GALNTL6: variants seen among roughly 807,000 people sequenced by gnomAD.
GALNTL6 encodes the protein polypeptide N-acetylgalactosaminyltransferase-like 6.
Under a neutral mutation model 73.7 loss-of-function variants are expected in GALNTL6, and 46 were observed. That is an observed-to-expected ratio of 0.62 (90% CI 0.49 to 0.80). The LOEUF is 0.80. Among genes scored for constraint, GALNTL6 ranks in the 30% least tolerant of loss-of-function variants. The pLI, the probability that GALNTL6 is intolerant of heterozygous loss-of-function variation, is 0.00. For synonymous variants in GALNTL6, 259 were observed against 263.7 expected (o/e 0.98, Z 0.17); for missense variants, 604 against 755.0 (o/e 0.80, Z 2.34).
At chr4:171,836,763 T>C (rs1342115982) in intron 2 of GALNTL6, among the ~76,000 whole-genome samples, 1 of 151,998 alleles carries the variant, frequency 6.6e-6, no homozygotes, top group African/African-American at 2.4e-5. Context: ...CACATGAGAG[T>C]TGGGTGATGG....
chr4:172,859,209 G>A (rs1744269675), intron 7 of GALNTL6, among the ~76,000 whole-genome samples: 1 of 152,180 alleles, frequency 6.6e-6, no homozygotes, highest in Non-Finnish European at 1.5e-5. Flanking sequence ...AGGAAAGACT[G>A]AAGATCACAC....
At chr4:172,287,577 G>C (rs756832687) in intron 3 of GALNTL6, among the ~76,000 whole-genome samples, 1 of 152,154 alleles carries the variant, frequency 6.6e-6, no homozygotes, top group Non-Finnish European at 1.5e-5. Flanking sequence ...AGGAAAAAAT[G>C]TACTTGCCAA....
intron 5 of GALNTL6, among the ~76,000 whole-genome samples, chr4:172,740,845 G>A (rs1018179773): frequency 2.6e-5 from 4 of 152,070 alleles, no homozygotes; most frequent in African/African-American, 9.7e-5. Context: ...TCATTCAGGT[G>A]TGAGTTACCG....
intron 5 of GALNTL6, among the ~76,000 whole-genome samples, chr4:172,627,310 T>A (rs767534581): frequency 6.6e-6 from 1 of 152,176 alleles, no homozygotes; most frequent in Non-Finnish European, 1.5e-5. Context: ...GATTTGCATT[T>A]GTCGAACCAA....
At chr4:172,936,498 T>C (rs1316738863) in intron 9 of GALNTL6, among the ~76,000 whole-genome samples, 1 of 152,178 alleles carries the variant, frequency 6.6e-6, no homozygotes, top group Non-Finnish European at 1.5e-5. Flanking sequence ...TGTTTGCAGA[T>C]GACATGATTG....
chr4:172,280,080 A>T (rs1738988144), intron 3 of GALNTL6, among the ~76,000 whole-genome samples: 1 of 152,200 alleles, frequency 6.6e-6, no homozygotes. Context: ...GTACTAGGGG[A>T]GAAAGAAATG....
intron 2 of GALNTL6, among the ~76,000 whole-genome samples, chr4:172,084,802 C>T (rs953438981): frequency 1.3e-5 from 2 of 152,028 alleles, no homozygotes; most frequent in Non-Finnish European, 2.9e-5. Flanking sequence ...ATGATTATCA[C>T]ATAAAATTTA....
rs1207464647 is a variant in GALNTL6, at chr4:172,085,118, T to G, written c.139-144538T>G. Among the ~76,000 whole-genome samples the G allele has an allele frequency of 2.0e-5, 3 of 152,208 alleles. No homozygotes were observed. In the East Asian group the frequency reaches 5.8e-4, roughly 29 times the overall value. The stretch of plus-strand genomic sequence containing the variant: ...AGCTATAGGAAAAAATCTAAATATA[T>G]AGTAATCAATGATAACAGCAAAGGT... On this transcript the variant is annotated intron_variant, in intron 2 of 12. Coordinates refer to ENST00000506823, the MANE Select transcript of GALNTL6 (RefSeq NM_001034845.3).
intron 2 of GALNTL6, among the ~76,000 whole-genome samples, chr4:172,055,684 C>A (rs1293391484): frequency 2.6e-5 from 4 of 152,152 alleles, no homozygotes; most frequent in African/African-American, 9.7e-5. Flanking sequence ...TAAGCAGGTC[C>A]TCTGGGCTGG....
chr4:172,497,578 T>A (rs1734107906), intron 5 of GALNTL6, among the ~76,000 whole-genome samples: 1 of 152,234 alleles, frequency 6.6e-6, no homozygotes, highest in South Asian at 2.1e-4. Context: ...GTCTTATTAT[T>A]AGGTCCCTGT....
chr4:172,422,327 C>T (rs533850027), intron 5 of GALNTL6, among the ~76,000 whole-genome samples: 58 of 152,158 alleles, frequency 3.8e-4, no homozygotes, highest in African/African-American at 1.4e-3. Context: ...GTTGCTAGAT[C>T]CTATGGTAAT....
intron 3 of GALNTL6, among the ~76,000 whole-genome samples, chr4:172,275,943 T>A (rs1007666762): frequency 6.6e-6 from 1 of 152,230 alleles, no homozygotes; most frequent in African/African-American, 2.4e-5. Context: ...GACAACACAG[T>A]GAGACTCTGT....
At chr4:172,717,676 T>C (rs1735190859) in intron 5 of GALNTL6, among the ~76,000 whole-genome samples, 1 of 152,144 alleles carries the variant, frequency 6.6e-6, no homozygotes, top group African/African-American at 2.4e-5. Context: ...GAAGAGAATA[T>C]AAAAAGCCTT....
In GALNTL6 at chr4:173,021,494, A is replaced by C. The variant is rs772816720; in HGVS notation, c.1507A>C (p.Arg503=). Residue 503 remains arginine, a synonymous_variant, in exon 12 of 13, where the codon AGA becomes CGA. Transcript: ENST00000506823. The stretch of plus-strand genomic sequence containing the variant: ...TTGCTAGCTTTTTACCTTTGGATGG[A>C]GAGAAGATATTCGACCCGGTGAGCC... ...SHEQLFTFGW[R]EDIRPGEPLH... is the part of the protein sequence containing the mutation. The C allele has an allele frequency of 6.2e-7, 1 of 1,614,090 alleles. No homozygotes were observed. Among genetic ancestry groups the C allele is most frequent in the Non-Finnish European group, 8.5e-7 (1 of 1,179,990 alleles).
chr4:172,298,484 C>G (rs1739774441), intron 3 of GALNTL6, among the ~76,000 whole-genome samples: 4 of 152,220 alleles, frequency 2.6e-5, no homozygotes, highest in South Asian at 2.1e-4. Flanking sequence ...GATATTGGCT[C>G]TGGGTTTGTC....
At chr4:172,294,710 T>C (rs1739602536) in intron 3 of GALNTL6, among the ~76,000 whole-genome samples, 1 of 152,202 alleles carries the variant, frequency 6.6e-6, no homozygotes, top group Non-Finnish European at 1.5e-5. Context: ...AACCCATATT[T>C]GCTAATGGTG....
intron 10 of GALNTL6, among the ~76,000 whole-genome samples, chr4:172,971,475 T>C (rs903240842): frequency 9.9e-5 from 15 of 152,174 alleles, no homozygotes; most frequent in Admixed American, 8.5e-4. Flanking sequence ...TGGAGGAATA[T>C]ACAAATTATA....
intron 7 of GALNTL6, among the ~76,000 whole-genome samples, chr4:172,850,778 T>C (rs924797287): frequency 2.0e-5 from 3 of 152,180 alleles, no homozygotes; most frequent in African/African-American, 7.2e-5. Context: ...ATTACTTTGC[T>C]AGTAAGGCTC....
intron 10 of GALNTL6, among the ~76,000 whole-genome samples, chr4:172,996,266 T>C (rs1016888792): frequency 1.3e-5 from 2 of 152,136 alleles, no homozygotes; most frequent in Admixed American, 6.5e-5. Flanking sequence ...GAGGCCGTTA[T>C]CCTTAGCAAA....
Sources: allele counts gnomAD v4.1 joint callset (sites outside exome capture counted in the v4.1 genomes callset), GRCh38; gene constraint gnomAD v4.1.1; transcripts MANE v1.5; gene names NCBI Gene and HGNC (gene_info 2026-07-23, HGNC 2026-07-21).